The following CREBBP variants were observed in gnomAD, a reference collection of about 807,000 sequenced individuals.
The protein encoded by CREBBP is CREB-binding protein.
In CREBBP, 19 loss-of-function variants were observed where a neutral mutation model predicts 265.0. The ratio of observed to expected loss-of-function variants is 0.07; its 90% CI spans 0.05 to 0.11. CREBBP has a LOEUF of 0.11. Among genes scored for constraint, CREBBP ranks in the 10% least tolerant of loss-of-function variants. CREBBP has a pLI of 1.00. For synonymous variants in CREBBP, 1,457 were observed against 1,223.7 expected (o/e 1.19, Z -3.98); for missense variants, 2,525 against 3,219.0 (o/e 0.78, Z 5.22).
chr16:3,856,070 A>C (rs573205491), intron 1 of CREBBP, among the ~76,000 whole-genome samples: 130 of 152,330 alleles, frequency 8.5e-4, no homozygotes, highest in African/African-American at 3.1e-3. Context: ...ATACAATCAC[A>C]TGTCAACTAC....
intron 1 of CREBBP, among the ~76,000 whole-genome samples, chr16:3,873,185 C>T (rs573459341): frequency 6.6e-6 from 1 of 152,298 alleles, no homozygotes; most frequent in East Asian, 1.9e-4. Flanking sequence ...GAATCACATA[C>T]TTGTCTGCTG....
chr16:3,790,854 A>G (rs1320124626), intron 5 of CREBBP, among the ~76,000 whole-genome samples: 1 of 152,146 alleles, frequency 6.6e-6, no homozygotes, highest in East Asian at 1.9e-4. Context: ...GGGGGCTGTC[A>G]CTGGCACGCC....
intron 1 of CREBBP, among the ~76,000 whole-genome samples, chr16:3,867,026 T>C (rs2055191091): frequency 6.6e-6 from 1 of 152,230 alleles, no homozygotes; most frequent in Non-Finnish European, 1.5e-5. Context: ...CGAAAAGGTC[T>C]GGAGTTAATG....
intron 1 of CREBBP, among the ~76,000 whole-genome samples, chr16:3,853,316 C>T (rs1291896877): frequency 6.6e-6 from 1 of 152,188 alleles, no homozygotes; most frequent in Non-Finnish European, 1.5e-5. Flanking sequence ...CTGTATAATA[C>T]TTTAAAACAT....
chr16:3,867,119 T>C (rs554249582), intron 1 of CREBBP, among the ~76,000 whole-genome samples: 204 of 152,320 alleles, frequency 1.3e-3, no homozygotes, highest in Non-Finnish European at 2.2e-3. Context: ...GATATTTCTA[T>C]TTCAACTATT....
intron 23 of CREBBP, chr16:3,740,840 G>C (rs1423535741): frequency 4.5e-6 from 2 of 445,694 alleles, no homozygotes; most frequent in East Asian, 4.7e-5. Flanking sequence ...GTCCAAAATT[G>C]ACAGGGGCTC....
chr16:3,735,959 G>A (rs1567269115), intron 28 of CREBBP, 77 bp downstream of exon 28: 24 of 1,612,388 alleles, frequency 1.5e-5, no homozygotes, highest in South Asian at 1.2e-4. Flanking sequence ...CCTAACAGTC[G>A]ACACGCGCCT....
At chr16:3,763,110 T>C (rs879550266) in intron 16 of CREBBP, among the ~76,000 whole-genome samples, 1 of 151,982 alleles carries the variant, frequency 6.6e-6, no homozygotes, top group Non-Finnish European at 1.5e-5. Context: ...GTTATAGCAC[T>C]GCCCTAGGCC....
intron 1 of CREBBP, among the ~76,000 whole-genome samples, chr16:3,862,011 G>C (rs926631493): frequency 2.1e-4 from 32 of 152,162 alleles, no homozygotes; most frequent in African/African-American, 7.7e-4. Context: ...AGAAGGAAGC[G>C]AGTCACTGCT....
chr16:3,771,090 GAC>G, intron 13 of CREBBP, 104 bp from the exon 14 acceptor site: 4 of 1,247,850 alleles, frequency 3.2e-6, no homozygotes, highest in Non-Finnish European at 3.4e-6. Flanking sequence ...TTTTTTTTGA[GAC>G]AGTTTCACTC....
At position 3,725,156 on chromosome 16, in the gene CREBBP, T is replaced by G; in HGVS notation, c.*2562A>C. 1 of 233,618 alleles carries G rather than the reference T, an allele frequency of 4.3e-6. No homozygotes were observed. Among genetic ancestry groups the G allele is most frequent in the African/African-American group, 2.2e-5 (1 of 45,474 alleles). 14.5% of individuals were successfully genotyped at this position (233,618 alleles called of 1,614,324 possible). On this transcript the variant is annotated 3_prime_UTR_variant, in exon 31 of 31. Transcript: ENST00000262367. The stretch of plus-strand genomic sequence containing the variant: ...TAGGACTTTTTCTTCTCCTCTTAAG[T>G]ATACAGCATGAGACACAGCGTTGGG...
chr16:3,806,413 C>T (rs895049093), intron 3 of CREBBP, among the ~76,000 whole-genome samples: 1 of 151,584 alleles, frequency 6.6e-6, no homozygotes, highest in Non-Finnish European at 1.5e-5. Context: ...GAATCTCCTG[C>T]ATCTCAACTT....
chr16:3,744,778 C>CTT (rs1596822926), intron 23 of CREBBP, 116 bp downstream of exon 23: 1 of 828,652 alleles, frequency 1.2e-6, no homozygotes, highest in Non-Finnish European at 2.1e-6. Context: ...TAACGAAAAT[C>CTT]TTTGACAACC....
intron 5 of CREBBP, 36 bp from the exon 6 acceptor site, chr16:3,782,962 A>G: frequency 6.2e-7 from 1 of 1,613,990 alleles, no homozygotes; most frequent in Non-Finnish European, 8.5e-7. Context: ...CAAAAACGAG[A>G]GGTAAGTAAA....
chr16:3,786,024 C>G (rs1005603613), intron 5 of CREBBP, among the ~76,000 whole-genome samples: 1 of 152,244 alleles, frequency 6.6e-6, no homozygotes, highest in Admixed American at 6.5e-5. Context: ...TCGGACTCAC[C>G]TGCCACTCTT....
chr16:3,766,874 A>G (rs2052865899), intron 16 of CREBBP, among the ~76,000 whole-genome samples: 2 of 152,108 alleles, frequency 1.3e-5, no homozygotes, highest in South Asian at 2.1e-4. Context: ...GATAATCCAC[A>G]CAACAACTCT....
At chr16:3,742,094 A>G (rs545296627) in intron 23 of CREBBP, 6 of 142,962 alleles carry the variant, frequency 4.2e-5, no homozygotes, top group Non-Finnish European at 8.8e-5. Context: ...AAACAAAACA[A>G]AACAAAAAAA....
In CREBBP at chr16:3,774,470, A is replaced by C. The variant is rs748310763; in HGVS notation, c.2283+99T>G. The C allele has an allele frequency of 8.8e-5, 135 of 1,537,582 alleles. No individual in the cohort carries two copies. In the Middle Eastern group the frequency reaches 1.4e-3, roughly 16 times the overall value. ...AGCATAACCCAAATTCAAAGGAACA[A>C]GAACCACAGGATTCTCAAGTGACAT... On this transcript the variant is annotated intron_variant, in intron 12 of 30. Transcript: ENST00000262367.
chr16:3,864,958 C>G (rs538953442), intron 1 of CREBBP, among the ~76,000 whole-genome samples: 128 of 152,258 alleles, frequency 8.4e-4, no homozygotes, highest in African/African-American at 3.1e-3. Context: ...TCCCAGGAGG[C>G]TGAGGCACCA....
Sources: allele counts gnomAD v4.1 joint callset (sites outside exome capture counted in the v4.1 genomes callset), GRCh38; gene constraint gnomAD v4.1.1; transcripts MANE v1.5; gene names NCBI Gene and HGNC (gene_info 2026-07-23, HGNC 2026-07-21).